The following NOP9 variants were observed in gnomAD, a reference collection of about 807,000 sequenced individuals.
NOP9 encodes NOP9 nucleolar protein.
NOP9 carries 50 observed loss-of-function variants against 63.0 expected under a neutral mutation model. The ratio of observed to expected loss-of-function variants is 0.79; its 90% CI spans 0.63 to 1.00. The LOEUF (loss-of-function observed/expected upper bound fraction) is 1.00. NOP9 is among the 50% of genes least tolerant of loss of function. NOP9 has a pLI of 0.00. For synonymous variants in NOP9, 343 were observed against 332.8 expected, an observed-to-expected ratio of 1.03 and a Z score of -0.33; for missense variants, 758 against 803.0, an observed-to-expected ratio of 0.94 and a Z score of 0.68.
Position 24,306,552 on chromosome 14 carries a change from A to G in NOP9, c.*1457A>G, listed in dbSNP as rs1379595259. The G allele has an allele frequency of 1.2e-6, 2 of 1,614,098 alleles. No individual in the cohort carries two copies. The highest frequency in any genetic ancestry group is 1.7e-5 in the Admixed American group (1 of 60,014). Reference sequence around the variant, plus strand: ...CCCAATGGCAAGAAGCAAGAAGGGCAGGTCTTATCCCATGCCCCTTCCCTC... The same window carrying G: ...CCCAATGGCAAGAAGCAAGAAGGGCGGGTCTTATCCCATGCCCCTTCCCTC... On this transcript the variant is annotated 3_prime_UTR_variant, in exon 10 of 10. Coordinates refer to ENST00000267425, the MANE Select transcript of NOP9 (RefSeq NM_174913.3).
chr14:24,306,655 T>A lies in NOP9; in HGVS notation c.*1560T>A. On this transcript the variant is annotated 3_prime_UTR_variant, in exon 10 of 10. Transcript: ENST00000267425. Reference sequence around the variant, plus strand: ...TTTGACTTTCCGGCACTTTGATACCTCCTAAAGGTTGCAGCTCTCCGTGTT... The same window carrying A: ...TTTGACTTTCCGGCACTTTGATACCACCTAAAGGTTGCAGCTCTCCGTGTT... 1 of 1,098,334 alleles carries A rather than the reference T, an allele frequency of 9.1e-7. No homozygotes were observed. 68.0% of individuals were successfully genotyped at this position (1,098,334 alleles called of 1,614,324 possible).
chr14:24,282,334 G>A, the NOP9 span, among the ~76,000 whole-genome samples: 1 of 152,228 alleles, frequency 6.6e-6, no homozygotes, highest in Non-Finnish European at 1.5e-5. Context: ...AAGTTACTTA[G>A]AATTTCTGAG....
rs540237841 is a variant in NOP9 at position 24,305,288 on chromosome 14, C to T, written c.*193C>T. The stretch of plus-strand genomic sequence containing the variant: ...AGGTAAAGTCAGAGAGGGCTGTCAT[C>T]AGTATGCTGGGGAGTTTAGGGACAG... On this transcript the variant is annotated 3_prime_UTR_variant, in exon 10 of 10. Coordinates refer to ENST00000267425, the MANE Select transcript of NOP9 (RefSeq NM_174913.3). 38 of 622,642 alleles carry T rather than the reference C, an allele frequency of 6.1e-5. No homozygotes were observed. In the South Asian group the frequency reaches 1.1e-3, roughly 19 times the overall value. 38.6% of individuals were successfully genotyped at this position (622,642 alleles called of 1,614,324 possible).
chr14:24,301,712 G>A lies in NOP9; in HGVS notation c.798G>A (p.Lys266=), dbSNP rs147768520. Residue 266 remains lysine (K), a synonymous_variant, in exon 3 of 10, where the codon AAG becomes AAA. Coordinates refer to ENST00000267425, the MANE Select transcript of NOP9 (RefSeq NM_174913.3). ...RLQDLSSSFL[K]DIAVFITDKI... ...AGGACCTGAGCTCCTCCTTTCTGAA[G>A]GACATTGCAGGTAAGGAGGGAAGTA... The A allele has an allele frequency of 5.8e-5, 94 of 1,614,010 alleles. No homozygotes were observed. The highest frequency in any genetic ancestry group is 3.3e-4 in the Middle Eastern group (2 of 6,084).
the NOP9 span, among the ~76,000 whole-genome samples, chr14:24,290,209 T>C: frequency 6.6e-6 from 1 of 152,252 alleles, no homozygotes; most frequent in African/African-American, 2.4e-5. Context: ...GTCACAGCTA[T>C]TCCTCTGTCC....
Position 24,306,316 on chromosome 14 carries a change from A to C in NOP9, c.*1221A>C. 1 of 1,601,764 alleles carries C rather than the reference A, an allele frequency of 6.2e-7. No homozygotes were observed. Among genetic ancestry groups the C allele is most frequent in the Non-Finnish European group, 8.6e-7 (1 of 1,169,428 alleles). On this transcript the variant is annotated 3_prime_UTR_variant, in exon 10 of 10. Transcript: ENST00000267425. ...AGGATCAGGGTTAAGCTAGAGAGGA[A>C]GCCCGGGAAAGCTCTAAAGGACAGG...
the NOP9 span, among the ~76,000 whole-genome samples, chr14:24,287,439 G>A: frequency 6.6e-6 from 1 of 152,318 alleles, no homozygotes; most frequent in East Asian, 1.9e-4. Flanking sequence ...TTCTGCAGCT[G>A]AGAGGGTGCT....
chr14:24,301,539 A>G, intron 2 of NOP9, 73 bp from the exon 3 acceptor site: 1 of 1,592,658 alleles, frequency 6.3e-7, no homozygotes, highest in Admixed American at 1.7e-5. Flanking sequence ...ATCCTTGTTC[A>G]TCTGTGAAAT....
At chr14:24,304,447 T>G in intron 8 of NOP9, 46 bp from the exon 9 acceptor site, 1 of 1,505,234 alleles carries the variant, frequency 6.6e-7, no homozygotes, top group African/African-American at 1.4e-5. Context: ...CCAAAATACT[T>G]TTGTGGATTT....
At chr14:24,292,762 A>G in the NOP9 span, 1 of 1,613,516 alleles carries the variant, frequency 6.2e-7, no homozygotes, top group Non-Finnish European at 8.5e-7. Context: ...CGTGCCCCAT[A>G]CACTGAGCAA....
At position 24,308,236 on chromosome 14, in the gene NOP9, C is replaced by CT; in HGVS notation, c.*3142dup. Reference sequence around the variant, plus strand: ...GGGGACGGTTTCTGGCTCTCAGGCTCTGAGAAGCTGCAGTTTATGAGTGGC... The same window carrying CT: ...GGGGACGGTTTCTGGCTCTCAGGCTCTTGAGAAGCTGCAGTTTATGAGTGGC... On this transcript the variant is annotated 3_prime_UTR_variant, in exon 10 of 10. Coordinates refer to ENST00000267425, the MANE Select transcript of NOP9 (RefSeq NM_174913.3). 2 of 290,336 alleles carry CT rather than the reference C, an allele frequency of 6.9e-6. No homozygotes were observed. Among genetic ancestry groups the CT allele is most frequent in the South Asian group, 3.4e-5 (1 of 29,406 alleles). The allele number at this position is 290,336 out of a possible 1,614,324, so 18.0% of individuals were successfully genotyped here.
chr14:24,298,973 C>G (rs369406238), upstream of NOP9: 3 of 1,611,656 alleles, frequency 1.9e-6, no homozygotes, highest in Admixed American at 5.0e-5. Context: ...AGCAACAACG[C>G]GAAGGGTGTC....
chr14:24,272,719 C>T, the NOP9 span, among the ~76,000 whole-genome samples: 2 of 152,352 alleles, frequency 1.3e-5, no homozygotes, highest in Admixed American at 1.3e-4. Context: ...TCTGCCTACT[C>T]TCTGGCTGTA....
intron 5 of NOP9, among the ~76,000 whole-genome samples, 165 bp downstream of exon 5, chr14:24,302,589 C>G (rs1008611965): frequency 1.3e-5 from 2 of 152,220 alleles, no homozygotes; most frequent in African/African-American, 4.8e-5. Flanking sequence ...TGCCCACCTT[C>G]TAGTGAGGAT....
At position 24,302,066 on chromosome 14, in the gene NOP9, AT is replaced by A; in HGVS notation, c.912del (p.Ile304MetfsTer4). On this transcript the variant is annotated frameshift_variant, in exon 4 of 10. Transcript: ENST00000267425. LOFTEE classifies it high-confidence loss of function. ...TTGCGCTCATCTCTGCAATGCTGTG[AT>A]TGGCTACCTGAGTACTCGCGGTTCC... ...QFCAHLCNAV[I>X]GYLSTRGSSV... The A allele has an allele frequency of 6.2e-7, 1 of 1,614,056 alleles. No homozygotes were observed. Among genetic ancestry groups the A allele is most frequent in the Non-Finnish European group, 8.5e-7 (1 of 1,179,988 alleles).
rs2041356547 is a variant in NOP9 at position 24,300,664 on chromosome 14, G to GGAGGAGGAGGAT, written c.509_510insGGAGGATGAGGA (p.Glu169_Asp170insGluGluAspGlu). 7 of 1,613,666 alleles carry GGAGGAGGAGGAT rather than the reference G, an allele frequency of 4.3e-6. No homozygotes were observed. Among genetic ancestry groups the GGAGGAGGAGGAT allele is most frequent in the Non-Finnish European group, 5.9e-6 (7 of 1,179,920 alleles). ...CTGCAGAGGAGGAGGAGGAGGAGGA[G>GGAGGAGGAGGAT]GAGGATGGAAAGGATGGTCCCACGG... is the stretch of plus-strand genomic sequence containing the variant. On this transcript the variant is annotated inframe_insertion, in exon 2 of 10. Coordinates refer to ENST00000267425, the MANE Select transcript of NOP9 (RefSeq NM_174913.3).
Position 24,306,635 on chromosome 14 carries a change from C to A in NOP9, c.*1540C>A. 7.3e-7 allele frequency: 1 copy of A among 1,371,254 alleles called. No individual in the cohort carries two copies. The highest frequency in any genetic ancestry group is 1.0e-6 in the Non-Finnish European group (1 of 982,158). 84.9% of individuals were successfully genotyped at this position (1,371,254 alleles called of 1,614,324 possible). A position where few individuals can be genotyped will look rare whatever the true frequency, so the allele number is the denominator to read the frequency against. On this transcript the variant is annotated 3_prime_UTR_variant, in exon 10 of 10. Coordinates refer to ENST00000267425, the MANE Select transcript of NOP9 (RefSeq NM_174913.3). ...GACATTGGTCGATGTCCCACTTTGA[C>A]TTTCCGGCACTTTGATACCTCCTAA...
chr14:24,301,912 G>A (rs1033721984), intron 3 of NOP9, 53 bp from the exon 4 acceptor site: 38 of 1,576,896 alleles, frequency 2.4e-5, no homozygotes, highest in African/African-American at 1.6e-4. Flanking sequence ...TTGAGGTTAC[G>A]CAGGTTGTCT....
At chr14:24,275,087 T>C in the NOP9 span, among the ~76,000 whole-genome samples, 853 of 151,882 alleles carry the variant, frequency 5.6e-3, 9 homozygotes, top group African/African-American at 0.019. Context: ...TAATTTTGTA[T>C]TTTTTGTAGA....
Sources: gnomAD v4.1 joint callset for allele counts (sites outside exome capture counted in the v4.1 genomes callset) on GRCh38, gnomAD v4.1.1 for gene constraint, MANE v1.5 for transcripts, NCBI Gene and HGNC (gene_info 2026-07-23, HGNC 2026-07-21) for gene names.